The following PPP1R8 variants were observed in gnomAD, a reference collection of about 807,000 sequenced individuals.
The protein encoded by PPP1R8 is nuclear inhibitor of protein phosphatase 1.
A neutral mutation model predicts 31.3 loss-of-function variants in PPP1R8; 4 were observed. The observed-to-expected ratio is 0.13, with a 90% CI of 0.06 to 0.29. The LOEUF is 0.29. Ranked by LOEUF, PPP1R8 falls within the 10% of genes least tolerant of loss-of-function variation. PPP1R8 has a pLI of 1.00. For missense variants in PPP1R8, 254 were observed against 440.1 expected (o/e 0.58, Z 3.78); for synonymous variants, 170 against 169.7 (o/e 1.00, Z -0.01).
intron 6 of PPP1R8, among the ~76,000 whole-genome samples, chr1:27,849,371 CAAAAAA>C (rs544902286): frequency 3.9e-5 from 3 of 77,458 alleles, no homozygotes; most frequent in African/African-American, 7.6e-5. Flanking sequence ...AACTCTGTCT[CAAAAAA>C]AAAAAAAAAA....
At chr1:27,848,282 A>G (rs1004563544) in intron 6 of PPP1R8, among the ~76,000 whole-genome samples, 6 of 151,986 alleles carry the variant, frequency 3.9e-5, no homozygotes, top group African/African-American at 1.2e-4. Flanking sequence ...GTGGGCGCCT[A>G]TAGTCCCAGC....
At chr1:27,834,838 C>G (rs2089147115) in intron 2 of PPP1R8, among the ~76,000 whole-genome samples, 1 of 152,078 alleles carries the variant, frequency 6.6e-6, no homozygotes, top group South Asian at 2.1e-4. Flanking sequence ...GCCAGCATGG[C>G]AAAACCCCGT....
chr1:27,837,636 G>A (rs182625961), intron 2 of PPP1R8, among the ~76,000 whole-genome samples: 58 of 151,268 alleles, frequency 3.8e-4, no homozygotes, highest in African/African-American at 1.3e-3. Context: ...TTAGCTGGGC[G>A]TGGTGGCGGG....
At position 27,851,237 on chromosome 1, in the gene PPP1R8, T is replaced by G. The variant is rs1379333737; in HGVS notation, c.*791T>G. 1.4e-5 allele frequency: 4 copies of G among 282,388 alleles called. No homozygotes were observed. Among genetic ancestry groups the G allele is most frequent in the Non-Finnish European group, 2.8e-5 (4 of 142,162 alleles). 17.5% of individuals were successfully genotyped at this position (282,388 alleles called of 1,614,324 possible). On this transcript the variant is annotated 3_prime_UTR_variant, in exon 7 of 7. Coordinates refer to ENST00000311772, the MANE Select transcript of PPP1R8 (RefSeq NM_014110.5). ...GGCAGTTTTCAAAGGATATGACCAG[T>G]TGGGGTAATTCAAATTAAAAAGGAA...
At chr1:27,847,546 C>T (rs2089297449) in intron 6 of PPP1R8, among the ~76,000 whole-genome samples, 1 of 150,418 alleles carries the variant, frequency 6.6e-6, no homozygotes, top group Admixed American at 6.6e-5. Flanking sequence ...TCCTGGCCAA[C>T]ATGTTGAAAC....
At position 27,850,452 on chromosome 1, in the gene PPP1R8, T is replaced by G; in HGVS notation, c.*6T>G. Reference sequence around the variant, plus strand: ...CACCTTCCTTGCTGATTTGATATTTTTGGTCATGGAGAAGGGTGGGATTGG... The same window carrying G: ...CACCTTCCTTGCTGATTTGATATTTGTGGTCATGGAGAAGGGTGGGATTGG... On this transcript the variant is annotated 3_prime_UTR_variant, in exon 7 of 7. Coordinates refer to ENST00000311772, the MANE Select transcript of PPP1R8 (RefSeq NM_014110.5). 2 of 1,579,026 alleles carry G rather than the reference T, an allele frequency of 1.3e-6. No homozygotes were observed. The highest frequency in any genetic ancestry group is 2.3e-5 in the South Asian group (2 of 86,832).
intron 1 of PPP1R8, 100 bp from the exon 2 acceptor site, chr1:27,832,656 A>T: frequency 1.1e-6 from 1 of 934,614 alleles, no homozygotes; most frequent in South Asian, 1.8e-5. Flanking sequence ...TGAACTAATT[A>T]TAGGCTGGTA....
rs771828877 is a variant in PPP1R8 at position 27,843,335 on chromosome 1, G to C, written c.637+5G>C. On this transcript the variant is annotated splice_donor_5th_base_variant and intron_variant, in intron 5 of 6. Coordinates refer to ENST00000311772, the MANE Select transcript of PPP1R8 (RefSeq NM_014110.5). ...ATGATGAGATCATCAACCCAGGTGAGGTATCTTGCTAGTTTATTCTGATGA... is the reference window on the plus strand; with the variant it reads ...ATGATGAGATCATCAACCCAGGTGACGTATCTTGCTAGTTTATTCTGATGA... 1.9e-6 allele frequency: 3 copies of C among 1,614,086 alleles called. No individual in the cohort carries two copies. In the South Asian group the frequency reaches 3.3e-5, roughly 18 times the overall value.
At chr1:27,847,865 G>T (rs1411077125) in intron 6 of PPP1R8, among the ~76,000 whole-genome samples, 1 of 152,188 alleles carries the variant, frequency 6.6e-6, no homozygotes, top group Non-Finnish European at 1.5e-5. Context: ...CCACAGAAAG[G>T]CTGTAGATAA....
chr1:27,846,529 C>T (rs1369264816), intron 5 of PPP1R8, among the ~76,000 whole-genome samples: 1 of 152,238 alleles, frequency 6.6e-6, no homozygotes, highest in Non-Finnish European at 1.5e-5. Flanking sequence ...GGCTTTGAAA[C>T]CAAAATCCGT....
chr1:27,834,604 G>A (rs1253261943), intron 2 of PPP1R8: 3 of 504,302 alleles, frequency 5.9e-6, no homozygotes, highest in Admixed American at 2.0e-5. Flanking sequence ...AAGAAGCTAC[G>A]GCTTTAGTGA....
intron 6 of PPP1R8, among the ~76,000 whole-genome samples, chr1:27,849,239 C>T (rs543002042): frequency 3.1e-4 from 47 of 151,780 alleles, no homozygotes; most frequent in Non-Finnish European, 4.7e-4. Context: ...GGCGTGGTGG[C>T]GCATGCCTGT....
chr1:27,838,068 G>C (rs538992024), intron 2 of PPP1R8, among the ~76,000 whole-genome samples: 1 of 151,796 alleles, frequency 6.6e-6, no homozygotes, highest in East Asian at 1.9e-4. Flanking sequence ...AAAATTAGCC[G>C]GGCATGGTGG....
rs201379168 is a variant in PPP1R8 at position 27,834,861 on chromosome 1, T to TA, written c.117+2052dup. On this transcript the variant is annotated intron_variant, in intron 2 of 6. Transcript: ENST00000311772. ...GGCAAAACCCCGTCTCTACTAAAAG[T>TA]AAAAAAATTAGCCAGGTGCAGTGGC... 7.2e-3 allele frequency among the ~76,000 whole-genome samples: 1,089 copies of TA among 151,764 alleles called. 15 individuals carry two copies. Among genetic ancestry groups the TA allele is most frequent in the African/African-American group, 0.025 (1,029 of 41,366 alleles).
chr1:27,850,326 C>A lies in PPP1R8; in HGVS notation c.936C>A (p.Asn312Lys). 2 of 1,614,234 alleles carry A rather than the reference C, an allele frequency of 1.2e-6. No individual in the cohort carries two copies. Among genetic ancestry groups the A allele is most frequent in the African/African-American group, 2.7e-5 (2 of 75,060 alleles). The stretch of plus-strand genomic sequence containing the variant: ...CTCCTGTTGTGCCGTCAGCAGTGAA[C>A]ATGAACCCTGCACCAAACCCTGCAG... Reference protein sequence around the residue: ...DLTPVVPSAVNMNPAPNPAVY... With the variant: ...DLTPVVPSAVKMNPAPNPAVY... Residue 312 changes from asparagine to lysine, a missense_variant, in exon 7 of 7, where the codon AAC becomes AAA. Asn to Lys is a moderately conservative substitution (Grantham distance 94). Coordinates refer to ENST00000311772, the MANE Select transcript of PPP1R8 (RefSeq NM_014110.5).
intron 5 of PPP1R8, among the ~76,000 whole-genome samples, chr1:27,846,554 G>A (rs955211976): frequency 2.0e-5 from 3 of 152,236 alleles, no homozygotes; most frequent in African/African-American, 4.8e-5. Context: ...TTGCTAATAA[G>A]CAGGCATTAG....
chr1:27,850,930 AAGCT>A lies in PPP1R8; in HGVS notation c.*485_*488del, dbSNP rs1219700746. 3.2e-5 allele frequency: 5 copies of A among 154,840 alleles called. No individual in the cohort carries two copies. Among genetic ancestry groups the A allele is most frequent in the African/African-American group, 1.2e-4 (5 of 41,470 alleles). The allele number at this position is 154,840 out of a possible 1,614,324, so 9.6% of individuals were successfully genotyped here. On this transcript the variant is annotated 3_prime_UTR_variant, in exon 7 of 7. Transcript: ENST00000311772. Reference sequence around the variant, plus strand: ...AAAGAAGGCTTAGAATTCTGCAGTTAAGCTGAGGTTTAAACTAAAAAATGTTTCC... The same window carrying A: ...AAAGAAGGCTTAGAATTCTGCAGTTAGAGGTTTAAACTAAAAAATGTTTCC...
chr1:27,843,735 T>C (rs1457821241), intron 5 of PPP1R8, among the ~76,000 whole-genome samples: 3 of 152,028 alleles, frequency 2.0e-5, no homozygotes, highest in African/African-American at 7.2e-5. Flanking sequence ...GGTGGATTGC[T>C]TGAGGCCAGG....
intron 2 of PPP1R8, among the ~76,000 whole-genome samples, chr1:27,834,893 C>G (rs2089147738): frequency 6.6e-6 from 1 of 152,140 alleles, no homozygotes; most frequent in Admixed American, 6.5e-5. Context: ...TGGCACACCC[C>G]TATAATCCCA....
Sources: allele counts gnomAD v4.1 joint callset (sites outside exome capture counted in the v4.1 genomes callset), GRCh38; gene constraint gnomAD v4.1.1; transcripts MANE v1.5; gene names NCBI Gene and HGNC (gene_info 2026-07-23, HGNC 2026-07-21).